Variants in FYN observed in about 807,000 individuals in gnomAD.
The protein encoded by FYN is tyrosine-protein kinase Fyn.
In FYN, 10 loss-of-function variants were observed where a neutral mutation model predicts 70.2. That is an observed-to-expected ratio of 0.14 (90% CI 0.09 to 0.24). The LOEUF is 0.24. FYN is among the 10% of genes least tolerant of loss of function. The pLI, the probability that FYN is intolerant of heterozygous loss-of-function variation, is 1.00. For missense variants in FYN, 319 were observed against 673.1 expected, an observed-to-expected ratio of 0.47 and a Z score of 5.82; for synonymous variants, 236 against 248.6, an observed-to-expected ratio of 0.95 and a Z score of 0.48.
intron 2 of FYN, among the ~76,000 whole-genome samples, chr6:111,828,234 A>G (rs1275696223): frequency 6.6e-6 from 1 of 152,198 alleles, no homozygotes. Context: ...AGGATTCCCC[A>G]AAGTGTTTTC....
rs985532679 is a variant in FYN, at chr6:111,792,369, T to C, written c.-81-11734A>G. ...AGTGCTGGTAAGGATACAGAGCAAC[T>C]GAAACTCTCATACATTGCTAGTGGG... On this transcript the variant is annotated intron_variant, in intron 2 of 13. Transcript: ENST00000354650. Among the ~76,000 whole-genome samples the C allele has an allele frequency of 2.0e-5, 3 of 152,246 alleles. No individual in the cohort carries two copies. The East Asian group carries it at 5.8e-4, about 29-fold the overall frequency.
At chr6:111,724,834 T>C (rs1245892418) in intron 3 of FYN, among the ~76,000 whole-genome samples, 3 of 152,184 alleles carry the variant, frequency 2.0e-5, no homozygotes, top group African/African-American at 7.2e-5. Context: ...GGCCCGTACT[T>C]AGAGGTGGCA....
At chr6:111,802,792 T>A (rs2038987) in intron 2 of FYN, among the ~76,000 whole-genome samples, 14,259 of 108,586 alleles carry the variant, frequency 0.13, 979 homozygotes, top group African/African-American at 0.42. Context: ...AAAAAAAAAA[T>A]TCATTGGATT....
intron 2 of FYN, among the ~76,000 whole-genome samples, chr6:111,827,818 A>C (rs1040073746): frequency 6.6e-6 from 1 of 152,128 alleles, no homozygotes; most frequent in Non-Finnish European, 1.5e-5. Context: ...ATTTTGACTA[A>C]GGGTACTCTT....
chr6:111,825,121 G>C (rs963817198), intron 2 of FYN, among the ~76,000 whole-genome samples: 2 of 152,154 alleles, frequency 1.3e-5, no homozygotes, highest in African/African-American at 4.8e-5. Context: ...GCCTTGCTGG[G>C]ATCTTTTTGG....
chr6:111,751,503 C>G (rs1251277919), intron 3 of FYN, among the ~76,000 whole-genome samples: 2 of 152,108 alleles, frequency 1.3e-5, no homozygotes, highest in Non-Finnish European at 2.9e-5. Context: ...CTACAGCATA[C>G]TATTTTATTA....
chr6:111,710,901 T>C (rs1800346543), intron 5 of FYN, among the ~76,000 whole-genome samples: 1 of 152,240 alleles, frequency 6.6e-6, no homozygotes, highest in Non-Finnish European at 1.5e-5. Flanking sequence ...ATTTTTCAGT[T>C]TGCACTTGGT....
intron 13 of FYN, among the ~76,000 whole-genome samples, chr6:111,663,844 G>A (rs1010410115): frequency 2.0e-5 from 3 of 152,124 alleles, no homozygotes; most frequent in African/African-American, 7.2e-5. Flanking sequence ...TGGGGGCGGG[G>A]AGCTGGAAGC....
chr6:111,686,047 G>T (rs918944849), intron 12 of FYN, among the ~76,000 whole-genome samples: 8 of 152,170 alleles, frequency 5.3e-5, no homozygotes, highest in African/African-American at 1.9e-4. Context: ...GTAGGAAAGG[G>T]TGATTTAGAG....
chr6:111,795,637 T>C (rs936167978), intron 2 of FYN, among the ~76,000 whole-genome samples: 2 of 152,242 alleles, frequency 1.3e-5, no homozygotes, highest in Non-Finnish European at 2.9e-5. Context: ...GAAAAATACA[T>C]GTTTGGTAGC....
At chr6:111,712,325 G>A (rs1213796421) in intron 5 of FYN, among the ~76,000 whole-genome samples, 7 of 152,160 alleles carry the variant, frequency 4.6e-5, no homozygotes, top group African/African-American at 9.7e-5. Flanking sequence ...GCTAAGGGGC[G>A]GAGGATTTCA....
At chr6:111,678,771 C>T (rs1798659161) in intron 12 of FYN, among the ~76,000 whole-genome samples, 1 of 152,194 alleles carries the variant, frequency 6.6e-6, no homozygotes, top group Admixed American at 6.5e-5. Flanking sequence ...GAGAATCATC[C>T]TCACCTGGAC....
chr6:111,744,008 G>T (rs1443701456), intron 3 of FYN, among the ~76,000 whole-genome samples: 1 of 152,206 alleles, frequency 6.6e-6, no homozygotes, highest in East Asian at 1.9e-4. Flanking sequence ...CATCTCACAT[G>T]GGACATGAGA....
At chr6:111,696,013 A>G (rs1046889152) in intron 10 of FYN, among the ~76,000 whole-genome samples, 2 of 152,218 alleles carry the variant, frequency 1.3e-5, no homozygotes, top group African/African-American at 2.4e-5. Flanking sequence ...TGAATGTTTT[A>G]ATTATGGAGA....
rs897199764 is a variant in FYN, at chr6:111,779,123, T to A, written c.-12+1443A>T. Reference sequence around the variant, plus strand: ...CTTGTCAGGGATCAGTAGGAGACATTTTTTTTTTTTTTTTTTTTTTTTTGC... The same window carrying A: ...CTTGTCAGGGATCAGTAGGAGACATATTTTTTTTTTTTTTTTTTTTTTTGC... On this transcript the variant is annotated intron_variant, in intron 3 of 13. Coordinates refer to ENST00000354650, the MANE Select transcript of FYN (RefSeq NM_002037.5). Among the ~76,000 whole-genome samples, 1,069 of 141,630 alleles carry A rather than the reference T, an allele frequency of 7.5e-3. 8 individuals carry two copies. The highest frequency in any genetic ancestry group is 0.025 in the African/African-American group (934 of 37,982). 92.9% of individuals were successfully genotyped at this position (141,630 alleles called of 152,430 possible). A position where few individuals can be genotyped will look rare whatever the true frequency, so the allele number is the denominator to read the frequency against.
At position 111,791,948 on chromosome 6, in the gene FYN, T is replaced by G. The variant is rs563898897; in HGVS notation, c.-81-11313A>C. Among the ~76,000 whole-genome samples, 7 of 152,284 alleles carry G rather than the reference T, an allele frequency of 4.6e-5. 1 individual carries two copies. The South Asian group carries it at 1.5e-3, about 32-fold the overall frequency. The stretch of plus-strand genomic sequence containing the variant: ...ATAATAAAGCTCTTAGAAGAAAACA[T>G]AGAGAACACCTTCATACCTTGTAAT... On this transcript the variant is annotated intron_variant, in intron 2 of 13. Transcript: ENST00000354650.
chr6:111,755,905 C>T (rs1199868128), intron 3 of FYN, among the ~76,000 whole-genome samples: 3 of 151,706 alleles, frequency 2.0e-5, no homozygotes, highest in Non-Finnish European at 4.4e-5. Flanking sequence ...TAAATCTTGT[C>T]CTAGAAAGAA....
At chr6:111,872,929 C>T (rs1010409248) in intron 1 of FYN, 39 bp downstream of exon 1, 4 of 146,604 alleles carry the variant, frequency 2.7e-5, no homozygotes, top group Middle Eastern at 3.4e-3. Context: ...CCGCAGCATC[C>T]CCGAGGCCTC....
chr6:111,679,722 C>T (rs895247205), intron 12 of FYN, among the ~76,000 whole-genome samples: 1 of 152,146 alleles, frequency 6.6e-6, no homozygotes, highest in African/African-American at 2.4e-5. Context: ...AGAAAAGCAA[C>T]AGCCACACAC....
Sources: gnomAD v4.1 joint callset for allele counts (sites outside exome capture counted in the v4.1 genomes callset) on GRCh38, gnomAD v4.1.1 for gene constraint, MANE v1.5 for transcripts, NCBI Gene and HGNC (gene_info 2026-07-23, HGNC 2026-07-21) for gene names.